Variants in LAMA2 observed in about 807,000 individuals in gnomAD.
LAMA2 encodes laminin subunit alpha-2.
In LAMA2, 269 loss-of-function variants were observed where a neutral mutation model predicts 364.8. The ratio of observed to expected loss-of-function variants is 0.74; its 90% CI spans 0.67 to 0.82. The LOEUF (loss-of-function observed/expected upper bound fraction) is 0.82. Among genes scored for constraint, LAMA2 ranks in the 40% least tolerant of loss-of-function variants. The pLI is 0.00. For missense variants in LAMA2, 3,807 were observed against 3,873.2 expected (o/e 0.98, Z 0.45); for synonymous variants, 1,379 against 1,370.6 (o/e 1.01, Z -0.14).
At chr6:129,398,472 C>CTTTTTTTTTTTTTTTTTTTTTT (rs71028159) in intron 37 of LAMA2, among the ~76,000 whole-genome samples, 31 of 110,534 alleles carry the variant, frequency 2.8e-4, no homozygotes, top group African/African-American at 3.2e-4. Context: ...CTTTTCTTTT[C>CTTTTTTTTTTTTTTTTTTTTTT]TTTTTTTTTT....
intron 51 of LAMA2, among the ~76,000 whole-genome samples, chr6:129,466,137 G>C (rs897859405): frequency 6.6e-6 from 1 of 151,826 alleles, no homozygotes; most frequent in Non-Finnish European, 1.5e-5. Flanking sequence ...TATCTGCCAG[G>C]CACCTTCTAA....
Position 129,492,376 on chromosome 6 carries a change from C to T in LAMA2, c.8137C>T (p.Gln2713Ter), listed in dbSNP as rs748206598. The T allele has an allele frequency of 6.2e-7, 1 of 1,614,142 alleles. No individual in the cohort carries two copies. The highest frequency in any genetic ancestry group is 8.5e-7 in the Non-Finnish European group (1 of 1,179,974). ...TGCTGACATTGGTCGCTGTGCCCATCAGAAACTCCGTGAAGATGAAGATGG... is the reference window on the plus strand; with the variant it reads ...TGCTGACATTGGTCGCTGTGCCCATTAGAAACTCCGTGAAGATGAAGATGG... ...KNADIGRCAH[Q>*]KLREDEDGAA... is the part of the protein sequence containing the mutation. Residue 2713 changes from glutamine (Q) to a stop codon, truncating the protein, a stop_gained, in exon 58 of 65, where the codon CAG (glutamine) becomes TAG (stop). Transcript: ENST00000421865. LOFTEE classifies it high-confidence loss of function.
intron 41 of LAMA2, among the ~76,000 whole-genome samples, chr6:129,431,664 A>G (rs917381537): frequency 6.6e-6 from 1 of 152,194 alleles, no homozygotes; most frequent in Non-Finnish European, 1.5e-5. Flanking sequence ...AACTTTATAA[A>G]CTAAAAAAAG....
chr6:128,998,565 G>C (rs1485870419), intron 1 of LAMA2, among the ~76,000 whole-genome samples: 1 of 95,126 alleles, frequency 1.1e-5, no homozygotes, highest in South Asian at 3.3e-4. Context: ...CCGAAGCAGG[G>C]CGAGGCATTG....
intron 48 of LAMA2, among the ~76,000 whole-genome samples, chr6:129,459,445 G>A (rs904165782): frequency 2.0e-5 from 3 of 152,028 alleles, no homozygotes; most frequent in African/African-American, 7.2e-5. Flanking sequence ...CTGTGAAAAT[G>A]ACACCAGGAT....
At chr6:129,165,042 G>A (rs1224726277) in intron 8 of LAMA2, among the ~76,000 whole-genome samples, 1 of 152,090 alleles carries the variant, frequency 6.6e-6, no homozygotes, top group African/African-American at 2.4e-5. Context: ...TTAGTTAATT[G>A]AGATTCAGTG....
chr6:129,483,476 T>C (rs772331276), intron 55 of LAMA2, among the ~76,000 whole-genome samples: 6 of 152,300 alleles, frequency 3.9e-5, no homozygotes, highest in South Asian at 2.1e-4. Flanking sequence ...GATACCAAAG[T>C]ATTTCTCAAT....
In LAMA2 at chr6:129,456,486, A is replaced by G; in HGVS notation, c.6859A>G (p.Lys2287Glu). The stretch of plus-strand genomic sequence containing the variant: ...GCTGTTTGTTGGTGGCCTGACTGGG[A>G]AATTAAAGGTAATGTGTTCATCCTC... ...AMLFVGGLTG[K>E]LKKADAVRVI... The change falls in exon 48 of 65, where the codon AAA becomes GAA. Residue 2287 changes from lysine (K) to glutamate (E), a missense_variant. Physicochemically the swap from Lys to Glu is moderately conservative, Grantham distance 56. Around this residue, in one of 3 missense-constraint regions of LAMA2, gnomAD observed 3,333 missense variants for 3,345.7 expected, o/e 1.00. Transcript: ENST00000421865. The G allele has an allele frequency of 6.2e-7, 1 of 1,613,214 alleles. No individual in the cohort carries two copies. Among genetic ancestry groups the G allele is most frequent in the East Asian group, 2.2e-5 (1 of 44,856 alleles).
intron 1 of LAMA2, among the ~76,000 whole-genome samples, chr6:129,032,153 G>A (rs752889517): frequency 1.3e-5 from 2 of 152,198 alleles, no homozygotes; most frequent in African/African-American, 2.4e-5. Flanking sequence ...ATCCCTTTAT[G>A]TGTCCAGCCC....
At chr6:129,009,319 T>G (rs1784627999) in intron 1 of LAMA2, among the ~76,000 whole-genome samples, 1 of 152,176 alleles carries the variant, frequency 6.6e-6, no homozygotes, top group Admixed American at 6.5e-5. Flanking sequence ...GGAATTATAA[T>G]TTAGATTCTT....
intron 20 of LAMA2, among the ~76,000 whole-genome samples, chr6:129,297,163 A>C (rs1773235950): frequency 6.6e-6 from 1 of 152,216 alleles, no homozygotes; most frequent in Admixed American, 6.5e-5. Context: ...TAATGTGAAC[A>C]CTATAGCAAT....
chr6:129,306,263 C>CTTTATCAT, intron 22 of LAMA2, among the ~76,000 whole-genome samples: 1 of 135,600 alleles, frequency 7.4e-6, no homozygotes, highest in South Asian at 2.3e-4. Context: ...ACTTCCTAAT[C>CTTTATCAT]TTTATCATTT....
At chr6:129,124,612 A>G (rs1331380355) in intron 4 of LAMA2, among the ~76,000 whole-genome samples, 1 of 152,094 alleles carries the variant, frequency 6.6e-6, no homozygotes, top group African/African-American at 2.4e-5. Flanking sequence ...TAGAAGTCTC[A>G]TATGTTCTGT....
chr6:129,175,377 A>T (rs531979888), intron 9 of LAMA2, among the ~76,000 whole-genome samples: 6 of 152,344 alleles, frequency 3.9e-5, no homozygotes, highest in African/African-American at 1.4e-4. Context: ...TACTAACTGA[A>T]TTAACCCCTG....
chr6:129,373,929 T>C (rs1778228382), intron 34 of LAMA2, among the ~76,000 whole-genome samples: 1 of 152,198 alleles, frequency 6.6e-6, no homozygotes, highest in African/African-American at 2.4e-5. Context: ...AGTTACTCTT[T>C]TATGCCCTTT....
chr6:129,402,250 T>C, intron 38 of LAMA2, 74 bp from the exon 39 acceptor site: 2 of 1,133,132 alleles, frequency 1.8e-6, no homozygotes, highest in African/African-American at 1.6e-5. Context: ...TGTAGTTATG[T>C]CTCATAGAGA....
At chr6:129,462,329 C>G (rs753388672) in intron 49 of LAMA2, among the ~76,000 whole-genome samples, 1 of 151,882 alleles carries the variant, frequency 6.6e-6, no homozygotes, top group African/African-American at 2.4e-5. Flanking sequence ...CCTCAAAGTA[C>G]TGTGCCACAA....
intron 18 of LAMA2, among the ~76,000 whole-genome samples, chr6:129,285,243 G>A (rs1639434246): frequency 6.6e-6 from 1 of 152,092 alleles, no homozygotes; most frequent in South Asian, 2.1e-4. Context: ...ACTGTTCTCT[G>A]TATAGAAACA....
rs2114901212 is a variant in LAMA2, at chr6:129,505,340, C to T, written c.8688C>T (p.Thr2896=). The stretch of plus-strand genomic sequence containing the variant: ...GTGGGTTACCCATCAACTACACTAC[C>T]CGAAGAATTGGTCCAGTAAATATCT... The part of the protein sequence containing the change: ...YVGGLPINYT[T]RRIGPVTYSI... The change falls in exon 61 of 65, where the codon ACC becomes ACT. Residue 2896 remains threonine (T), a synonymous_variant. Transcript: ENST00000421865. 6.2e-7 allele frequency: 1 copy of T among 1,613,244 alleles called. No homozygotes were observed. Among genetic ancestry groups the T allele is most frequent in the Middle Eastern group, 1.7e-4 (1 of 6,058 alleles).
Sources: gnomAD v4.1 joint callset for allele counts (sites outside exome capture counted in the v4.1 genomes callset) on GRCh38, gnomAD v4.1.1 for gene constraint, gnomAD v4.1.1 regional missense constraint, MANE v1.5 for transcripts, NCBI Gene and HGNC (gene_info 2026-07-23, HGNC 2026-07-21) for gene names.